The following SHCBP1L variants were observed in gnomAD, a reference collection of about 807,000 sequenced individuals.
The protein encoded by SHCBP1L is testicular spindle-associated protein SHCBP1L.
Under a neutral mutation model 62.5 loss-of-function variants are expected in SHCBP1L, and 67 were observed. The ratio of observed to expected loss-of-function variants is 1.07; its 90% CI spans 0.88 to 1.31. The LOEUF is 1.31. Ranked by LOEUF, SHCBP1L falls within the 40% of genes most tolerant of loss-of-function variation. SHCBP1L has a pLI of 0.00. For missense variants in SHCBP1L, 823 were observed against 809.8 expected (o/e 1.02, Z -0.20); for synonymous variants, 284 against 289.4 (o/e 0.98, Z 0.19).
intron 5 of SHCBP1L, among the ~76,000 whole-genome samples, chr1:182,933,752 G>A (rs967438673): frequency 3.3e-5 from 5 of 151,976 alleles, no homozygotes; most frequent in Non-Finnish European, 4.4e-5. Context: ...ATTTTGTTGA[G>A]GATTTTGTAT....
chr1:182,913,247 C>G (rs1229978896), intron 6 of SHCBP1L, among the ~76,000 whole-genome samples: 1 of 152,192 alleles, frequency 6.6e-6, no homozygotes, highest in African/African-American at 2.4e-5. Flanking sequence ...AGAACCCCAA[C>G]TTGAAGTCAG....
At chr1:182,918,937 G>A (rs1018645446) in intron 6 of SHCBP1L, among the ~76,000 whole-genome samples, 3 of 152,138 alleles carry the variant, frequency 2.0e-5, no homozygotes, top group Non-Finnish European at 4.4e-5. Context: ...GGACAAATAA[G>A]TATCTACATG....
chr1:182,936,807 T>C (rs572795166), intron 5 of SHCBP1L, among the ~76,000 whole-genome samples: 1 of 152,040 alleles, frequency 6.6e-6, no homozygotes, highest in Admixed American at 6.6e-5. Flanking sequence ...CTCAGCACTT[T>C]GGAGGTCGAG....
rs1651316673 is a variant in SHCBP1L, at chr1:182,940,364, A to G, written c.735T>C (p.Asp245=). 1 of 1,613,990 alleles carries G rather than the reference A, an allele frequency of 6.2e-7. No individual in the cohort carries two copies. Among genetic ancestry groups the G allele is most frequent in the African/African-American group, 1.3e-5 (1 of 75,056 alleles). ...CCAAGGCCAAAGCAATAACATGTAT[A>G]TCAGTATCTTGTCCCTCAACAGGAT... is the stretch of plus-strand genomic sequence containing the variant. ...EVYPVEGQDT[D]IHVIALALEV... The change falls in exon 3 of 10, where the codon GAT becomes GAC. Residue 245 remains aspartate, a synonymous_variant. Coordinates refer to ENST00000367547, the MANE Select transcript of SHCBP1L (RefSeq NM_030933.4).
intron 2 of SHCBP1L, among the ~76,000 whole-genome samples, chr1:182,945,129 A>ATT (rs1230127312): frequency 6.6e-6 from 1 of 151,418 alleles, no homozygotes; most frequent in African/African-American, 2.4e-5. Context: ...ACATCCGGCT[A>ATT]TTTTTTGTAT....
intron 5 of SHCBP1L, among the ~76,000 whole-genome samples, chr1:182,938,594 G>A (rs1651254779): frequency 6.6e-6 from 1 of 152,090 alleles, no homozygotes; most frequent in South Asian, 2.1e-4. Context: ...CCAAGTAGCT[G>A]AGACTACAGG....
At chr1:182,939,777 T>C (rs1218711371) in intron 3 of SHCBP1L, among the ~76,000 whole-genome samples, 24 of 152,304 alleles carry the variant, frequency 1.6e-4, no homozygotes. Flanking sequence ...ACTGTAAAAT[T>C]GTTTCTAAAT....
At chr1:182,935,698 G>C (rs1651143303) in intron 5 of SHCBP1L, among the ~76,000 whole-genome samples, 1 of 152,090 alleles carries the variant, frequency 6.6e-6, no homozygotes, top group Admixed American at 6.5e-5. Context: ...AGGTGAATAG[G>C]AATGGTAAGG....
intron 2 of SHCBP1L, among the ~76,000 whole-genome samples, chr1:182,947,575 T>C (rs888471094): frequency 6.6e-6 from 1 of 152,220 alleles, no homozygotes; most frequent in East Asian, 1.9e-4. Context: ...CGTATTTTCT[T>C]CTGCCTCTGC....
intron 6 of SHCBP1L, among the ~76,000 whole-genome samples, chr1:182,926,216 A>G (rs1197154615): frequency 6.6e-6 from 1 of 152,212 alleles, no homozygotes; most frequent in South Asian, 2.1e-4. Flanking sequence ...AAAGGAAAAA[A>G]GATACCAAAA....
In SHCBP1L at chr1:182,953,133, TCTC is replaced by T. The variant is rs1319232966; in HGVS notation, c.-3_-1del. The T allele has an allele frequency of 1.1e-5, 17 of 1,581,194 alleles. No individual in the cohort carries two copies. In the East Asian group the frequency reaches 1.6e-4, roughly 15 times the overall value. Reference sequence around the variant, plus strand: ...ACCGAGGCCTTGGAGCCCGACGCCATCTCCTCAGCAGCCCGAGGGCCGAGGCAG... The same window carrying T: ...ACCGAGGCCTTGGAGCCCGACGCCATCTCAGCAGCCCGAGGGCCGAGGCAG... On this transcript the variant is annotated 5_prime_UTR_variant, in exon 1 of 10. Coordinates refer to ENST00000367547, the MANE Select transcript of SHCBP1L (RefSeq NM_030933.4).
chr1:182,951,814 G>A (rs1651752615), intron 1 of SHCBP1L: 2 of 237,504 alleles, frequency 8.4e-6, no homozygotes, highest in South Asian at 4.0e-5. Flanking sequence ...TTAGAAACAT[G>A]AAATATTTGC....
chr1:182,906,378 T>C lies in SHCBP1L; in HGVS notation c.1183-729A>G, dbSNP rs189164592. On this transcript the variant is annotated intron_variant, in intron 6 of 9. Transcript: ENST00000367547. ...ATCTCATGCTCTTCCCTATGTATCA[T>C]TTTGTTTTCTTTAACTCAAAATGAC... Among the ~76,000 whole-genome samples, 197 of 152,334 alleles carry C rather than the reference T, an allele frequency of 1.3e-3. 2 individuals are homozygous for C. The highest frequency in any genetic ancestry group is 2.5e-3 in the Admixed American group (38 of 15,298).
At chr1:182,929,588 CT>C (rs1650893300) in intron 6 of SHCBP1L, 58 bp downstream of exon 6, 1 of 1,172,652 alleles carries the variant, frequency 8.5e-7, no homozygotes, top group South Asian at 1.7e-5. Context: ...CAGGGAGCTT[CT>C]TTTCCGATTA....
chr1:182,942,364 G>C (rs1459645325), intron 2 of SHCBP1L: 2 of 770,780 alleles, frequency 2.6e-6, no homozygotes, highest in Non-Finnish European at 4.8e-6. Context: ...GCTCTTCCTT[G>C]GCGGCCCCTT....
At chr1:182,921,216 A>G (rs116024434) in intron 6 of SHCBP1L, among the ~76,000 whole-genome samples, 1,826 of 152,322 alleles carry the variant, frequency 0.012, 32 homozygotes, top group African/African-American at 0.038. Flanking sequence ...TTGGGGGCCT[A>G]CATTCAGCAA....
chr1:182,951,393 GA>G lies in SHCBP1L; in HGVS notation c.479del (p.Val160AlafsTer11), dbSNP rs550436451. Reference sequence around the variant, plus strand: ...AGAATACACTGGGATTAGTCTTCCAGACTCCAAGCCATTTGTCTTTCAACTT... The same window carrying G: ...AGAATACACTGGGATTAGTCTTCCAGCTCCAAGCCATTTGTCTTTCAACTT... ...KLKLKDKWLG[V>X]WKTNPSVFFV... On this transcript the variant is annotated frameshift_variant, in exon 2 of 10. Coordinates refer to ENST00000367547, the MANE Select transcript of SHCBP1L (RefSeq NM_030933.4). LOFTEE classifies it high-confidence loss of function. 166 of 1,609,748 alleles carry G rather than the reference GA, an allele frequency of 1.0e-4. No individual in the cohort carries two copies. The highest frequency in any genetic ancestry group is 1.3e-4 in the Non-Finnish European group (153 of 1,177,640).
intron 5 of SHCBP1L, among the ~76,000 whole-genome samples, chr1:182,932,847 C>A (rs944008492): frequency 6.6e-6 from 1 of 151,884 alleles, no homozygotes; most frequent in Non-Finnish European, 1.5e-5. Context: ...TTTGTGTCTG[C>A]TTTTTTCACT....
At chr1:182,901,431 T>G (rs1649832277) in intron 9 of SHCBP1L, among the ~76,000 whole-genome samples, 1 of 152,078 alleles carries the variant, frequency 6.6e-6, no homozygotes, top group Non-Finnish European at 1.5e-5. Context: ...CACTCCAGCC[T>G]GGGCAACAAG....
Sources: allele counts gnomAD v4.1 joint callset (sites outside exome capture counted in the v4.1 genomes callset), GRCh38; gene constraint gnomAD v4.1.1; transcripts MANE v1.5; gene names NCBI Gene and HGNC (gene_info 2026-07-23, HGNC 2026-07-21).